The following PRKCE variants were observed in gnomAD, a reference collection of about 807,000 sequenced individuals.
The protein encoded by PRKCE is protein kinase C epsilon type.
PRKCE carries 16 observed loss-of-function variants against 85.4 expected under a neutral mutation model. That is an observed-to-expected ratio of 0.19 (90% CI 0.13 to 0.28). The LOEUF (loss-of-function observed/expected upper bound fraction) is 0.28. Among genes scored for constraint, PRKCE ranks in the 10% least tolerant of loss-of-function variants. The pLI is 1.00. For missense variants in PRKCE, 573 were observed against 975.2 expected (o/e 0.59, Z 5.49); for synonymous variants, 388 against 371.5 (o/e 1.04, Z -0.51).
chr2:46,023,052 C>T (rs946636927), intron 10 of PRKCE, among the ~76,000 whole-genome samples: 6 of 135,722 alleles, frequency 4.4e-5, no homozygotes, highest in African/African-American at 1.5e-4. Flanking sequence ...CACTGCAGTC[C>T]GCAGTCCGTC....
intron 2 of PRKCE, among the ~76,000 whole-genome samples, chr2:45,861,113 C>G (rs1304893161): frequency 6.6e-6 from 1 of 152,110 alleles, no homozygotes; most frequent in African/African-American, 2.4e-5. Flanking sequence ...AGTGGGGAGG[C>G]TTGCTTCCTA....
At chr2:46,010,128 A>G (rs565536125) in intron 9 of PRKCE, among the ~76,000 whole-genome samples, 21 of 152,338 alleles carry the variant, frequency 1.4e-4, no homozygotes, top group African/African-American at 5.1e-4. Flanking sequence ...GGGTCTTGCT[A>G]TGTTGCCCAT....
At chr2:46,052,771 T>C (rs542442039) in intron 10 of PRKCE, among the ~76,000 whole-genome samples, 5 of 152,316 alleles carry the variant, frequency 3.3e-5, no homozygotes, top group African/African-American at 1.2e-4. Flanking sequence ...AGCTACATAA[T>C]CACAGTAGTG....
chr2:46,144,122 G>C (rs938182647), intron 11 of PRKCE, among the ~76,000 whole-genome samples: 5 of 152,210 alleles, frequency 3.3e-5, no homozygotes, highest in Admixed American at 6.5e-5. Flanking sequence ...TTTTTACCCA[G>C]AACCCCAAAG....
intron 1 of PRKCE, among the ~76,000 whole-genome samples, chr2:45,770,467 C>A (rs1483997779): frequency 6.6e-6 from 1 of 152,142 alleles, no homozygotes; most frequent in Non-Finnish European, 1.5e-5. Flanking sequence ...GTCCCTTCGG[C>A]CACTTGTGTT....
chr2:45,808,948 C>T (rs1237476056), intron 1 of PRKCE, among the ~76,000 whole-genome samples: 4 of 152,130 alleles, frequency 2.6e-5, no homozygotes, highest in African/African-American at 9.7e-5. Flanking sequence ...TCCTGTTGCC[C>T]TCTTCCTAAA....
intron 10 of PRKCE, among the ~76,000 whole-genome samples, chr2:46,057,517 C>T (rs1451081126): frequency 6.6e-6 from 1 of 151,918 alleles, no homozygotes; most frequent in African/African-American, 2.4e-5. Context: ...TCACTGCAAC[C>T]TCCACCTCCC....
chr2:45,669,552 T>C (rs78755893), intron 1 of PRKCE, among the ~76,000 whole-genome samples: 3,202 of 152,114 alleles, frequency 0.021, 103 homozygotes, highest in African/African-American at 0.073. Context: ...CTGGTGCTTG[T>C]CCCCAAGGTA....
At chr2:45,926,565 A>T (rs943951369) in intron 2 of PRKCE, among the ~76,000 whole-genome samples, 1 of 152,206 alleles carries the variant, frequency 6.6e-6, no homozygotes, top group African/African-American at 2.4e-5. Context: ...TCCTAAAGCA[A>T]AACTGTGAGG....
chr2:45,712,225 G>A (rs1468060828), intron 1 of PRKCE, among the ~76,000 whole-genome samples: 1 of 127,910 alleles, frequency 7.8e-6, no homozygotes, highest in Non-Finnish European at 1.5e-5. Flanking sequence ...TCGGCTTACT[G>A]CAACCTCCAC....
At chr2:45,938,618 T>C (rs1699651255) in intron 2 of PRKCE, among the ~76,000 whole-genome samples, 1 of 152,222 alleles carries the variant, frequency 6.6e-6, no homozygotes. Flanking sequence ...ATTTGCATTC[T>C]TTCCTAACTT....
At chr2:45,857,709 A>G (rs1692790341) in intron 2 of PRKCE, among the ~76,000 whole-genome samples, 1 of 151,326 alleles carries the variant, frequency 6.6e-6, no homozygotes, top group African/African-American at 2.4e-5. Flanking sequence ...CACCACACCC[A>G]GCATTTTGAT....
Position 45,760,500 on chromosome 2 carries a change from A to T in PRKCE, c.349-82500A>T, listed in dbSNP as rs539667735. Among the ~76,000 whole-genome samples, 3 of 152,342 alleles carry T rather than the reference A, an allele frequency of 2.0e-5. No individual in the cohort carries two copies. The East Asian group carries it at 5.8e-4, about 29-fold the overall frequency. ...TTTACATAAAAGACACAGTGGCATAATAAACATAGGTCCATCGACAACAAA... is the reference window on the plus strand; with the variant it reads ...TTTACATAAAAGACACAGTGGCATATTAAACATAGGTCCATCGACAACAAA... On this transcript the variant is annotated intron_variant, in intron 1 of 14. Transcript: ENST00000306156.
At chr2:45,790,179 G>A (rs961390643) in intron 1 of PRKCE, among the ~76,000 whole-genome samples, 2 of 152,184 alleles carry the variant, frequency 1.3e-5, no homozygotes, top group Non-Finnish European at 2.9e-5. Context: ...ATGCACATAT[G>A]CATAAATGAG....
intron 2 of PRKCE, among the ~76,000 whole-genome samples, chr2:45,896,191 G>C (rs73926103): frequency 0.019 from 2,860 of 152,272 alleles, 111 homozygotes; most frequent in African/African-American, 0.065. Context: ...GCCTAGAGTG[G>C]TCTGTGTGGG....
At chr2:45,844,628 C>A (rs914814596) in intron 2 of PRKCE, among the ~76,000 whole-genome samples, 1 of 152,116 alleles carries the variant, frequency 6.6e-6, no homozygotes, top group African/African-American at 2.4e-5. Flanking sequence ...TAGACACTGG[C>A]GAAACATTTG....
intron 10 of PRKCE, among the ~76,000 whole-genome samples, chr2:46,055,222 A>G (rs539400256): frequency 7.0e-4 from 106 of 152,340 alleles, no homozygotes; most frequent in African/African-American, 2.2e-3. Flanking sequence ...GATCACAGCC[A>G]CCACCTTAGA....
At chr2:45,781,816 GT>G (rs1686214333) in intron 1 of PRKCE, among the ~76,000 whole-genome samples, 1 of 152,110 alleles carries the variant, frequency 6.6e-6, no homozygotes, top group Non-Finnish European at 1.5e-5. Context: ...ACAGTGCGGG[GT>G]TACTTCTGTT....
intron 2 of PRKCE, among the ~76,000 whole-genome samples, chr2:45,875,562 G>A (rs1694411404): frequency 6.6e-6 from 1 of 152,222 alleles, no homozygotes; most frequent in Non-Finnish European, 1.5e-5. Flanking sequence ...ACACATATGG[G>A]AAAGGAGGCT....
Sources: allele counts gnomAD v4.1 joint callset (sites outside exome capture counted in the v4.1 genomes callset), GRCh38; gene constraint gnomAD v4.1.1; transcripts MANE v1.5; gene names NCBI Gene and HGNC (gene_info 2026-07-23, HGNC 2026-07-21).